Variants in STAB1 observed in about 807,000 individuals in gnomAD.
STAB1 encodes the protein stabilin 1.
A neutral mutation model predicts 332.4 loss-of-function variants in STAB1; 250 were observed. The ratio of observed to expected loss-of-function variants is 0.75; its 90% confidence interval spans 0.68 to 0.84. STAB1 has a LOEUF of 0.84. Among genes scored for constraint, STAB1 ranks in the 40% least tolerant of loss-of-function variants. STAB1 has a pLI of 0.00. For synonymous variants in STAB1, 1,475 were observed against 1,390.4 expected (o/e 1.06, Z -1.35); for missense variants, 3,249 against 3,489.7 (o/e 0.93, Z 1.74).
chr3:52,507,348 G>C (rs1389382174), intron 18 of STAB1, among the ~76,000 whole-genome samples: 1 of 152,102 alleles, frequency 6.6e-6, no homozygotes, highest in Non-Finnish European at 1.5e-5. Context: ...CCTGGCCTGA[G>C]ATAACTCTTG....
Position 52,510,524 on chromosome 3 carries a change from A to T in STAB1, c.2787+17A>T. The T allele has an allele frequency of 1.2e-6, 2 of 1,608,962 alleles. No individual in the cohort carries two copies. Among genetic ancestry groups the T allele is most frequent in the Non-Finnish European group, 1.7e-6 (2 of 1,177,430 alleles). On this transcript the variant is annotated intron_variant, in intron 25 of 68. Transcript: ENST00000321725. ...CCCGGGCAGGTGAGGTGCAGCAGAGAAGGGGTGGGGGCCTTGGTTCTGGGG... is the reference window on the plus strand; with the variant it reads ...CCCGGGCAGGTGAGGTGCAGCAGAGTAGGGGTGGGGGCCTTGGTTCTGGGG...
At chr3:52,512,505 G>C in intron 27 of STAB1, 69 bp downstream of exon 27, 2 of 1,612,136 alleles carry the variant, frequency 1.2e-6, no homozygotes, top group Non-Finnish European at 1.7e-6. Flanking sequence ...AGCACCTCAG[G>C]TGGGAAAGGG....
chr3:52,515,594 T>C (rs1304742663), intron 37 of STAB1, 88 bp downstream of exon 37: 3 of 1,401,394 alleles, frequency 2.1e-6, no homozygotes, highest in Non-Finnish European at 3.0e-6. Context: ...AGTTTGGATC[T>C]TAAGGACAGA....
Position 52,521,606 on chromosome 3 carries a change from C to A in STAB1, c.6069C>A (p.Cys2023Ter), listed in dbSNP as rs2153234176. 6.2e-7 allele frequency: 1 copy of A among 1,613,108 alleles called. No homozygotes were observed. The highest frequency in any genetic ancestry group is 1.1e-5 in the South Asian group (1 of 91,036). Reference sequence around the variant, plus strand: ...TGTCCCTCTCCCCAGCCTGCCGCTGCACTGTGCATGGCCGCTGTGATGAGG... The same window carrying A: ...TGTCCCTCTCCCCAGCCTGCCGCTGAACTGTGCATGGCCGCTGTGATGAGG... ...AFGPHCQACRCTVHGRCDEGL... is the reference protein window; with the variant it reads ...AFGPHCQACR Residue 2023 changes from cysteine (C) to a stop codon, truncating the protein, a stop_gained, in exon 57 of 69, where the codon TGC becomes TGA. Transcript: ENST00000321725. LOFTEE classifies it high-confidence loss of function.
chr3:52,501,670 C>A lies in STAB1; in HGVS notation c.248C>A (p.Ser83Tyr). Residue 83 changes from serine (S) to tyrosine (Y), a missense_variant, in exon 3 of 69, where the codon TCC (serine) becomes TAC (tyrosine). Transcript: ENST00000321725. ...YEVQLGGSMVSMSGCRRKCRK... is the reference protein window; with the variant it reads ...YEVQLGGSMVYMSGCRRKCRK... Reference sequence around the variant, plus strand: ...GTACAGCTGGGGGGCTCTATGGTGTCCATGAGCGGCTGCAGACGGAAGTGC... The same window carrying A: ...GTACAGCTGGGGGGCTCTATGGTGTACATGAGCGGCTGCAGACGGAAGTGC... The A allele has an allele frequency of 2.5e-6, 4 of 1,576,024 alleles. No individual in the cohort carries two copies. The South Asian group carries it at 3.5e-5, about 14-fold the overall frequency.
chr3:52,514,427 GA>G lies in STAB1; in HGVS notation c.3611del (p.Lys1204ArgfsTer26). The stretch of plus-strand genomic sequence containing the variant: ...AGGCCCTCTCCATGGAAACCCTGCG[GA>G]AGGGTGGACACCGCAACTCCCTCCT... ...GEALSMETLR[K>X]GGHRNSLLGP... On this transcript the variant is annotated frameshift_variant, in exon 34 of 69. Coordinates refer to ENST00000321725, the MANE Select transcript of STAB1 (RefSeq NM_015136.3). LOFTEE classifies it high-confidence loss of function. 6.4e-7 allele frequency: 1 copy of G among 1,556,356 alleles called. No homozygotes were observed. The highest frequency in any genetic ancestry group is 1.2e-5 in the South Asian group (1 of 81,538).
At position 52,496,109 on chromosome 3, in the gene STAB1, G is replaced by A. The variant is rs532760333; in HGVS notation, c.78+618G>A. Among the ~76,000 whole-genome samples, 3 of 152,308 alleles carry A rather than the reference G, an allele frequency of 2.0e-5. No individual in the cohort carries two copies. In the East Asian group the frequency reaches 5.8e-4, roughly 29 times the overall value. ...AGGAACCCGAAGCCCTAGGATGATG[G>A]GGACAGGCCATTCCCACTCTAAAGC... On this transcript the variant is annotated intron_variant, in intron 1 of 68. Coordinates refer to ENST00000321725, the MANE Select transcript of STAB1 (RefSeq NM_015136.3).
chr3:52,507,921 C>T lies in STAB1; in HGVS notation c.2053-10C>T, dbSNP rs41292372. 0.027 allele frequency: 44,298 copies of T among 1,611,324 alleles called. 686 individuals are homozygous for T. Among genetic ancestry groups the T allele is most frequent in the Middle Eastern group, 0.041 (250 of 6,054 alleles). On this transcript the variant is annotated splice_polypyrimidine_tract_variant and intron_variant, in intron 19 of 68. Transcript: ENST00000321725. ...ACACCCACTGACTGGCTTTGCATGG[C>T]CCACCCTAGGACATCTTCCCCAAGG...
rs763277966 is a variant in STAB1 at position 52,521,504 on chromosome 3, T to C, written c.6052T>C (p.Cys2018Arg). The C allele has an allele frequency of 6.2e-7, 1 of 1,613,986 alleles. No individual in the cohort carries two copies. Among genetic ancestry groups the C allele is most frequent in the East Asian group, 2.2e-5 (1 of 44,876 alleles). ...LCAPGAFGPHCQACRCTVHGR... is the reference protein window; with the variant it reads ...LCAPGAFGPHRQACRCTVHGR... ...TGCTCCTGGTGCCTTTGGGCCCCAT[T>C]GTCAAGGTGGGCCATCCCTGCCTGC... The change falls in exon 56 of 69, where the codon TGT becomes CGT. Residue 2018 changes from cysteine to arginine, a missense_variant. Coordinates refer to ENST00000321725, the MANE Select transcript of STAB1 (RefSeq NM_015136.3).
chr3:52,502,922 C>A, intron 6 of STAB1, 77 bp from the exon 7 acceptor site: 1 of 1,360,716 alleles, frequency 7.3e-7, no homozygotes, highest in Non-Finnish European at 9.9e-7. Flanking sequence ...TCACACAGAA[C>A]AGGCAAGGCC....
chr3:52,507,632 A>T lies in STAB1; in HGVS notation c.2009A>T (p.Gln670Leu). The T allele has an allele frequency of 2.5e-6, 4 of 1,613,592 alleles. No homozygotes were observed. The highest frequency in any genetic ancestry group is 3.4e-6 in the Non-Finnish European group (4 of 1,179,978). The change falls in exon 19 of 69, where the codon CAA (glutamine) becomes CTA (leucine). Residue 670 changes from glutamine (Q) to leucine (L), a missense_variant. Coordinates refer to ENST00000321725, the MANE Select transcript of STAB1 (RefSeq NM_015136.3). ...KIVAGSCVDC[Q>L]ALNTSTCPPN... The stretch of plus-strand genomic sequence containing the variant: ...GCCCAGGGCTCCTGTGTGGACTGCC[A>T]AGCCCTGAACACCAGCACGTGTCCC...
chr3:52,517,225 T>C, intron 42 of STAB1, 95 bp from the exon 43 acceptor site: 1 of 1,438,274 alleles, frequency 7.0e-7, no homozygotes. Flanking sequence ...CTGGGGGCGC[T>C]GAGAGAGGAG....
At chr3:52,516,904 C>A in intron 41 of STAB1, 80 bp from the exon 42 acceptor site, 1 of 1,601,360 alleles carries the variant, frequency 6.2e-7, no homozygotes, top group Non-Finnish European at 8.5e-7. Flanking sequence ...TGACCTTTTC[C>A]TTTCTCTCAC....
In STAB1 at chr3:52,520,397, C is replaced by A; in HGVS notation, c.5500-3C>A. On this transcript the variant is annotated splice_region_variant and splice_polypyrimidine_tract_variant and intron_variant, in intron 52 of 68. Transcript: ENST00000321725. ...TTGCATACCTCATATTCTCTCCTTGCAGGGTGAGCTCATGGTGGGTGAGGA... is the reference window on the plus strand; with the variant it reads ...TTGCATACCTCATATTCTCTCCTTGAAGGGTGAGCTCATGGTGGGTGAGGA... 2 of 1,611,846 alleles carry A rather than the reference C, an allele frequency of 1.2e-6. No homozygotes were observed. The highest frequency in any genetic ancestry group is 2.2e-5 in the South Asian group (2 of 91,066).
intron 1 of STAB1, among the ~76,000 whole-genome samples, chr3:52,498,189 C>T (rs916170121): frequency 6.6e-6 from 1 of 152,256 alleles, no homozygotes; most frequent in Non-Finnish European, 1.5e-5. Flanking sequence ...AAAGACTTCA[C>T]ACTTCGTGTC....
chr3:52,502,433 A>G (rs1708519097), intron 5 of STAB1, among the ~76,000 whole-genome samples, 199 bp from the exon 6 acceptor site: 1 of 152,204 alleles, frequency 6.6e-6, no homozygotes, highest in Non-Finnish European at 1.5e-5. Context: ...CTTCTCCAGG[A>G]AGCCCTCTGT....
At chr3:52,513,395 G>A (rs149401529) in intron 30 of STAB1, among the ~76,000 whole-genome samples, 154 bp downstream of exon 30, 1 of 152,208 alleles carries the variant, frequency 6.6e-6, no homozygotes, top group African/African-American at 2.4e-5. Flanking sequence ...TGCTCAGGAC[G>A]CATTGCTGAT....
chr3:52,508,873 T>A (rs2153233378), intron 21 of STAB1, among the ~76,000 whole-genome samples: 1 of 152,230 alleles, frequency 6.6e-6, no homozygotes, highest in South Asian at 2.1e-4. Context: ...GATAGATTTT[T>A]TGGCATTTAT....
chr3:52,521,129 A>T, intron 55 of STAB1, 124 bp downstream of exon 55: 2 of 1,266,724 alleles, frequency 1.6e-6, no homozygotes, highest in Non-Finnish European at 2.1e-6. Flanking sequence ...GGTGGTGAGT[A>T]GATTTTACTA....
Sources: gnomAD v4.1 joint callset for allele counts (sites outside exome capture counted in the v4.1 genomes callset) on GRCh38, gnomAD v4.1.1 for gene constraint, MANE v1.5 for transcripts, NCBI Gene and HGNC (gene_info 2026-07-23, HGNC 2026-07-21) for gene names.